The following NLRP2 variants were observed in gnomAD, a reference collection of about 807,000 sequenced individuals.
NLRP2 encodes NACHT, LRR and PYD domains-containing protein 2.
Under a neutral mutation model 97.2 loss-of-function variants are expected in NLRP2, and 107 were observed. The observed-to-expected ratio is 1.10, with a 90% CI of 0.94 to 1.29. The LOEUF is 1.29. Among genes scored for constraint, NLRP2 ranks in the 50% most tolerant of loss-of-function variants. The probability of loss-of-function intolerance (pLI) is 0.00; values close to 1 mark genes in which losing one functional copy is unlikely to be tolerated. For missense variants in NLRP2, 1,495 were observed against 1,330.3 expected (o/e 1.12, Z -1.93); for synonymous variants, 663 against 551.5 (o/e 1.20, Z -2.83).
rs1217660498 is a variant in NLRP2 at position 54,970,246 on chromosome 19, A to G, written c.231A>G (p.Glu77=). 2 of 1,614,198 alleles carry G rather than the reference A, an allele frequency of 1.2e-6. No individual in the cohort carries two copies. Among genetic ancestry groups the G allele is most frequent in the East Asian group, 2.2e-5 (1 of 44,874 alleles). ...WVEMASLQVF[E]KMHRMDLSER... ...AGATGGCGAGCCTCCAGGTCTTTGA[A>G]AAGATGCACCGAATGGATCTGTCTG... Residue 77 remains glutamate, a synonymous_variant, in exon 2 of 13, where the codon GAA becomes GAG. Coordinates refer to ENST00000448584, the MANE Select transcript of NLRP2 (RefSeq NM_017852.5).
chr19:54,979,006 A>G (rs1316778775), intron 4 of NLRP2, among the ~76,000 whole-genome samples: 1 of 151,552 alleles, frequency 6.6e-6, no homozygotes, highest in Non-Finnish European at 1.5e-5. Context: ...TGTTTTTGAA[A>G]TAGAGTCTCA....
At position 54,984,299 on chromosome 19, in the gene NLRP2, C is replaced by T. The variant is rs538048063; in HGVS notation, c.2030+571C>T. ...GGTATTAAGTGTGCACCATCATGTC[C>T]AGCTAACTTAAGTGGGGGTTTTTTT... On this transcript the variant is annotated intron_variant, in intron 6 of 12. Transcript: ENST00000448584. Among the ~76,000 whole-genome samples, 6 of 130,530 alleles carry T rather than the reference C, an allele frequency of 4.6e-5. No homozygotes were observed. The East Asian group carries it at 1.2e-3, about 27-fold the overall frequency. 85.6% of individuals were successfully genotyped at this position (130,530 alleles called of 152,430 possible). A position where few individuals can be genotyped will look rare whatever the true frequency, so the allele number is the denominator to read the frequency against.
chr19:54,972,028 G>A (rs2070891851), intron 2 of NLRP2, among the ~76,000 whole-genome samples: 2 of 130,830 alleles, frequency 1.5e-5, no homozygotes, highest in South Asian at 2.3e-4. Context: ...ATTCTAAATA[G>A]AGATGGGGTT....
intron 3 of NLRP2, among the ~76,000 whole-genome samples, chr19:54,974,963 C>CTAATTTT (rs2071102502): frequency 6.6e-6 from 1 of 151,816 alleles, no homozygotes; most frequent in Non-Finnish European, 1.5e-5. Flanking sequence ...CCAGGCCCGG[C>CTAATTTT]TAATTTTTTG....
In NLRP2 at chr19:54,983,656, T is replaced by C. The variant is rs2071814733; in HGVS notation, c.1958T>C (p.Met653Thr). The change falls in exon 6 of 13, where the codon ATG (methionine) becomes ACG (threonine). Residue 653 changes from methionine to threonine, a missense_variant. Physicochemically the swap from Met to Thr is moderately conservative, Grantham distance 81. Coordinates refer to ENST00000448584, the MANE Select transcript of NLRP2 (RefSeq NM_017852.5). ...AAGCACTGTCGAAACCTGCAGAAAATGTCACTGCAGGTAATAAAGGAGAAT... is the reference window on the plus strand; with the variant it reads ...AAGCACTGTCGAAACCTGCAGAAAACGTCACTGCAGGTAATAAAGGAGAAT... The part of the protein sequence containing the change: ...CVKHCRNLQK[M>T]SLQVIKENLP... The C allele has an allele frequency of 3.7e-6, 6 of 1,614,022 alleles. No individual in the cohort carries two copies. Among genetic ancestry groups the C allele is most frequent in the Non-Finnish European group, 5.1e-6 (6 of 1,180,008 alleles).
In NLRP2 at chr19:54,983,385, G is replaced by C. The variant is rs777904026; in HGVS notation, c.1687G>C (p.Glu563Gln). The C allele has an allele frequency of 1.2e-6, 2 of 1,614,214 alleles. No homozygotes were observed. The highest frequency in any genetic ancestry group is 1.7e-6 in the Non-Finnish European group (2 of 1,180,044). ...CTACTACTCCTTTGGCCTCGCTAAC[G>C]AGAAGAGAGCCAAGGAGTTGGAGGC... Reference protein sequence around the residue: ...AGYYSFGLANEKRAKELEATF... With the variant: ...AGYYSFGLANQKRAKELEATF... The change falls in exon 6 of 13, where the codon GAG becomes CAG. Residue 563 changes from glutamate to glutamine, a missense_variant. Glu to Gln is a conservative substitution (Grantham distance 29). Transcript: ENST00000448584.
chr19:54,987,115 C>T (rs1354903938), intron 8 of NLRP2, among the ~76,000 whole-genome samples: 9 of 151,644 alleles, frequency 5.9e-5, no homozygotes, highest in East Asian at 3.9e-4. Context: ...GAACTCATGA[C>T]CTCAGGTGAT....
At chr19:55,000,236 C>T (rs1369097981) in intron 12 of NLRP2, among the ~76,000 whole-genome samples, 3 of 142,358 alleles carry the variant, frequency 2.1e-5, no homozygotes, top group Admixed American at 1.4e-4. Context: ...GAGATGGTAC[C>T]ACTGCACTCC....
At chr19:54,981,524 C>G (rs56091361) in intron 4 of NLRP2, 93 bp from the exon 5 acceptor site, 66,984 of 446,784 alleles carry the variant, frequency 0.15, 2,832 homozygotes, top group Admixed American at 0.26. Flanking sequence ...CCCTCCCCCC[C>G]GCCCCATCAG....
intron 3 of NLRP2, 106 bp downstream of exon 3, chr19:54,974,650 G>T: frequency 1.2e-6 from 1 of 864,396 alleles, no homozygotes. Flanking sequence ...AGAAATGCCG[G>T]ACTTAGCATC....
chr19:54,999,212 A>G (rs1260268132), intron 12 of NLRP2, among the ~76,000 whole-genome samples: 4 of 152,112 alleles, frequency 2.6e-5, no homozygotes, highest in South Asian at 2.1e-4. Flanking sequence ...CAATGGCGCT[A>G]TCTCGGCTTA....
In NLRP2 at chr19:54,990,561, T is replaced by C. The variant is rs1297795144; in HGVS notation, c.2597T>C (p.Val866Ala). 6.2e-7 allele frequency: 1 copy of C among 1,614,202 alleles called. No homozygotes were observed. Among genetic ancestry groups the C allele is most frequent in the Admixed American group, 1.7e-5 (1 of 60,016 alleles). ...NCKDLAAVLV[V>A]SRELTHLCLA... ...AAGGACCTTGCTGCTGTGTTGGTTG[T>C]CAGCCGGGAGCTGACACACCTGTGC... The change falls in exon 10 of 13, where the codon GTC becomes GCC. Residue 866 changes from valine (V) to alanine (A), a missense_variant. Transcript: ENST00000448584.
Position 54,999,989 on chromosome 19 carries a change from ACT to A in NLRP2, c.3051-767_3051-766del, listed in dbSNP as rs975529065. Among the ~76,000 whole-genome samples, 231 of 151,550 alleles carry A rather than the reference ACT, an allele frequency of 1.5e-3. 1 individual carries two copies. The highest frequency in any genetic ancestry group is 5.3e-3 in the African/African-American group (218 of 41,294). On this transcript the variant is annotated intron_variant, in intron 12 of 12. Coordinates refer to ENST00000448584, the MANE Select transcript of NLRP2 (RefSeq NM_017852.5). Reference sequence around the variant, plus strand: ...TGACCTCAAGTGATCTGCCCACCTCACTCTCCCAAAGTGCTGGCATTACAGGC... The same window carrying A: ...TGACCTCAAGTGATCTGCCCACCTCACTCCCAAAGTGCTGGCATTACAGGC...
intron 6 of NLRP2, 112 bp from the exon 7 acceptor site, chr19:54,984,935 G>A (rs1036860763): frequency 2.0e-6 from 2 of 988,582 alleles, no homozygotes; most frequent in Non-Finnish European, 3.2e-6. Flanking sequence ...TGATTACATG[G>A]TCCAGCTTTC....
chr19:54,983,822 A>G, intron 6 of NLRP2, 94 bp downstream of exon 6: 5 of 1,521,900 alleles, frequency 3.3e-6, no homozygotes, highest in Non-Finnish European at 4.5e-6. Context: ...ACTGTGGCTT[A>G]GGGTCAGGAA....
chr19:54,995,442 GCCCAGCCAGTAGGTGCCTTTAAT>G (rs2072756583), intron 11 of NLRP2, among the ~76,000 whole-genome samples: 1 of 151,516 alleles, frequency 6.6e-6, no homozygotes. Context: ...GAGCCACCGT[GCCCAGCCAGTAGGTGCCTTTAAT>G]CCCAGCTACT....
rs1277726459 is a variant in NLRP2, at chr19:54,982,388, G to C, written c.690G>C (p.Trp230Cys). ...TGGCCCAGAAACTAATGCTAGACTG[G>C]GCAGAGGACAACCTCATCCACAAAT... ...TTLAQKLMLD[W>C]AEDNLIHKFK... The change falls in exon 6 of 13, where the codon TGG (tryptophan) becomes TGC (cysteine). Residue 230 changes from tryptophan (W) to cysteine (C), a missense_variant. By Grantham distance (215) the Trp-to-Cys change is radical. Transcript: ENST00000448584. 12 of 1,614,072 alleles carry C rather than the reference G, an allele frequency of 7.4e-6. No homozygotes were observed. The highest frequency in any genetic ancestry group is 1.0e-5 in the Non-Finnish European group (12 of 1,180,024).
intron 7 of NLRP2, among the ~76,000 whole-genome samples, chr19:54,985,783 G>T (rs113220667): frequency 6.6e-6 from 1 of 152,070 alleles, no homozygotes; most frequent in African/African-American, 2.4e-5. Flanking sequence ...ATCACTTGAG[G>T]TCAGGAGTTC....
intron 7 of NLRP2, 95 bp downstream of exon 7, chr19:54,985,312 C>T (rs2071984213): frequency 1.7e-6 from 2 of 1,171,772 alleles, no homozygotes; most frequent in Admixed American, 1.7e-5. Context: ...GTACTAGACT[C>T]TTAAGTGCTC....
Sources: gnomAD v4.1 joint callset for allele counts (sites outside exome capture counted in the v4.1 genomes callset) on GRCh38, gnomAD v4.1.1 for gene constraint, MANE v1.5 for transcripts, NCBI Gene and HGNC (gene_info 2026-07-23, HGNC 2026-07-21) for gene names.